DMD: variants seen among roughly 807,000 people sequenced by gnomAD.
DMD encodes the protein mutant dystrophin.
A neutral mutation model predicts 330.1 loss-of-function variants in DMD; 63 were observed. The observed-to-expected ratio is 0.19, with a 90% CI of 0.16 to 0.24. The LOEUF (loss-of-function observed/expected upper bound fraction) is 0.24, where lower values mean the gene tolerates loss of function less well. DMD is among the 10% of genes least tolerant of loss of function. The pLI, the probability that DMD is intolerant of heterozygous loss-of-function variation, is 1.00. For synonymous variants in DMD, 1,223 were observed against 959.8 expected (o/e 1.27, Z -5.07); for missense variants, 3,344 against 2,684.1 (o/e 1.25, Z -5.43).
At chrX:31,928,330 G>A (rs932112676) in intron 47 of DMD, among the ~76,000 whole-genome samples, 9 of 111,704 alleles carry the variant, frequency 8.1e-5, no homozygotes, top group Non-Finnish European at 1.3e-4. Context: ...TGGAGGCTGG[G>A]CGCGGTGGCT....
intron 52 of DMD, among the ~76,000 whole-genome samples, chrX:31,682,527 G>A (rs750596448): frequency 8.9e-6 from 1 of 112,061 alleles, no homozygotes; most frequent in African/African-American, 3.2e-5. Flanking sequence ...AAATGAAAAT[G>A]TCTTTAAGTG....
intron 60 of DMD, among the ~76,000 whole-genome samples, chrX:31,407,281 C>T (rs1159315575): frequency 9.1e-6 from 1 of 110,480 alleles, no homozygotes; most frequent in East Asian, 2.8e-4. Flanking sequence ...TCTCCTGCCT[C>T]AGCCTCCGTA....
At chrX:33,061,229 T>C (rs906322392) in intron 1 of DMD, among the ~76,000 whole-genome samples, 10 of 112,732 alleles carry the variant, frequency 8.9e-5, no homozygotes. Context: ...AAAAAGAATG[T>C]TAAGTTGAAA....
chrX:31,351,207 T>C (rs2058394357), intron 60 of DMD, among the ~76,000 whole-genome samples: 1 of 110,904 alleles, frequency 9.0e-6, no homozygotes, highest in South Asian at 3.9e-4. Flanking sequence ...CATATGTATA[T>C]TGTTGCTTCT....
At chrX:31,689,058 C>T (rs969455857) in intron 52 of DMD, among the ~76,000 whole-genome samples, 1 of 111,754 alleles carries the variant, frequency 8.9e-6, no homozygotes, top group Non-Finnish European at 1.9e-5. Flanking sequence ...AAAACTGGCA[C>T]AAGACAGGGA....
intron 36 of DMD, among the ~76,000 whole-genome samples, chrX:32,364,357 G>T (rs983276498): frequency 8.9e-6 from 1 of 111,831 alleles, no homozygotes; most frequent in Admixed American, 9.5e-5. Flanking sequence ...TTTACATTGG[G>T]TATAATTAAC....
chrX:32,910,857 T>C (rs1267891860), intron 2 of DMD, among the ~76,000 whole-genome samples: 3 of 112,287 alleles, frequency 2.7e-5, no homozygotes, highest in Non-Finnish European at 5.6e-5. Flanking sequence ...AAGTAGTATC[T>C]TTCTTTCTCC....
chrX:31,793,088 T>C (rs189709368), intron 50 of DMD, among the ~76,000 whole-genome samples: 34 of 111,213 alleles, frequency 3.1e-4, no homozygotes, highest in Non-Finnish European at 5.7e-4. Context: ...AGCCGGATTC[T>C]TCTCTAAAGT....
chrX:31,960,875 A>G (rs1312591407), intron 45 of DMD, among the ~76,000 whole-genome samples: 1 of 112,329 alleles, frequency 8.9e-6, no homozygotes, highest in African/African-American at 3.2e-5. Flanking sequence ...GGAAGAGACC[A>G]GCTTTTCCAT....
At chrX:32,755,981 C>G (rs762272925) in intron 7 of DMD, among the ~76,000 whole-genome samples, 14 of 112,683 alleles carry the variant, frequency 1.2e-4, no homozygotes, top group South Asian at 3.6e-4. Flanking sequence ...TAAGGTCTTA[C>G]TACCTGTCAT....
chrX:33,120,644 G>A (rs2095417321), intron 1 of DMD, among the ~76,000 whole-genome samples: 1 of 110,672 alleles, frequency 9.0e-6, no homozygotes, highest in African/African-American at 3.3e-5. Context: ...ACTTTGGGAG[G>A]CCGAGGCAGG....
At chrX:32,376,936 A>C (rs2097905654) in intron 34 of DMD, among the ~76,000 whole-genome samples, 1 of 111,436 alleles carries the variant, frequency 9.0e-6, no homozygotes, top group Admixed American at 9.6e-5. Context: ...TAGGATAGGA[A>C]ATTTCCTCGA....
chrX:33,015,396 G>C (rs2093781988), intron 2 of DMD, among the ~76,000 whole-genome samples: 1 of 110,984 alleles, frequency 9.0e-6, no homozygotes, highest in African/African-American at 3.3e-5. Flanking sequence ...ATTATCCTTA[G>C]CAAAATGATG....
intron 17 of DMD, among the ~76,000 whole-genome samples, chrX:32,526,379 T>C (rs1326505420): frequency 8.9e-6 from 1 of 111,745 alleles, no homozygotes; most frequent in East Asian, 2.8e-4. Context: ...ACCCCTGAAA[T>C]TAAAACTTGT....
intron 1 of DMD, among the ~76,000 whole-genome samples, chrX:33,246,127 C>G (rs2052659676): frequency 8.9e-6 from 1 of 112,184 alleles, no homozygotes; most frequent in Admixed American, 9.4e-5. Context: ...GATAGATGCT[C>G]AATTATGAAT....
intron 50 of DMD, among the ~76,000 whole-genome samples, chrX:31,789,805 T>C (rs1340549640): frequency 9.0e-6 from 1 of 111,438 alleles, no homozygotes; most frequent in East Asian, 2.8e-4. Flanking sequence ...GCTTATTGCA[T>C]GAAATTAAAC....
At chrX:31,798,338 T>A (rs1036499736) in intron 50 of DMD, among the ~76,000 whole-genome samples, 4 of 110,340 alleles carry the variant, frequency 3.6e-5, no homozygotes, top group African/African-American at 9.9e-5. Context: ...CACATGGAGT[T>A]GTCACTCAAG....
At chrX:32,737,936 G>A (rs1297807189) in intron 7 of DMD, among the ~76,000 whole-genome samples, 1 of 111,651 alleles carries the variant, frequency 9.0e-6, no homozygotes, top group African/African-American at 3.3e-5. Flanking sequence ...AATCTGATTT[G>A]ATATAACAGG....
At chrX:31,381,472 G>A (rs956320909) in intron 60 of DMD, among the ~76,000 whole-genome samples, 4 of 111,253 alleles carry the variant, frequency 3.6e-5, no homozygotes, top group African/African-American at 9.8e-5. Context: ...CACACCTGAC[G>A]CATATGCTTT....
Sources: gnomAD v4.1 joint callset for allele counts (sites outside exome capture counted in the v4.1 genomes callset) on GRCh38, gnomAD v4.1.1 for gene constraint, MANE v1.5 for transcripts, NCBI Gene and HGNC (gene_info 2026-07-23, HGNC 2026-07-21) for gene names.